The following COL12A1 variants were observed in gnomAD, a reference collection of about 807,000 sequenced individuals.
The protein encoded by COL12A1 is collagen type XII alpha 1 chain, also known as collagen alpha-1(XII) chain.
COL12A1 carries 114 observed loss-of-function variants against 349.7 expected under a neutral mutation model. The observed-to-expected ratio is 0.33, with a 90% CI of 0.28 to 0.38. The LOEUF (loss-of-function observed/expected upper bound fraction) is 0.38, where lower values mean the gene tolerates loss of function less well. Among genes scored for constraint, COL12A1 ranks in the 10% least tolerant of loss-of-function variants. The pLI is 1.00. For synonymous variants in COL12A1, 1,369 were observed against 1,329.0 expected (o/e 1.03, Z -0.66); for missense variants, 3,284 against 3,756.9 (o/e 0.87, Z 3.29).
intron 21 of COL12A1, among the ~76,000 whole-genome samples, chr6:75,149,566 T>C (rs1767376337): frequency 1.3e-5 from 2 of 152,022 alleles, no homozygotes; most frequent in South Asian, 4.1e-4. Flanking sequence ...CTGATGAAAA[T>C]GGAAATATTA....
chr6:75,116,761 C>T (rs987959772), intron 47 of COL12A1, among the ~76,000 whole-genome samples: 2 of 152,230 alleles, frequency 1.3e-5, no homozygotes, highest in Admixed American at 6.5e-5. Flanking sequence ...GGACTAGCCA[C>T]AGACCCCTGA....
At chr6:75,130,776 C>G in intron 36 of COL12A1, 76 bp downstream of exon 36, 2 of 1,577,484 alleles carry the variant, frequency 1.3e-6, no homozygotes, top group Non-Finnish European at 1.7e-6. Flanking sequence ...ACCCCCCTCC[C>G]ACCACTCATT....
In COL12A1 at chr6:75,156,370, G is replaced by GT; in HGVS notation, c.3136dup (p.Thr1046AsnfsTer17). ...TCGCTTTAACACTGTCGAAGTGACT[G>GT]TGGGGGGCACCTTAGCAACCATTTG... On this transcript the variant is annotated frameshift_variant, in exon 15 of 66. Transcript: ENST00000322507. LOFTEE classifies it high-confidence loss of function. The GT allele has an allele frequency of 6.2e-7, 1 of 1,613,980 alleles. No homozygotes were observed. The highest frequency in any genetic ancestry group is 8.5e-7 in the Non-Finnish European group (1 of 1,179,908).
chr6:75,191,459 A>G (rs1769926699), intron 5 of COL12A1, among the ~76,000 whole-genome samples: 2 of 152,030 alleles, frequency 1.3e-5, no homozygotes, highest in Non-Finnish European at 2.9e-5. Context: ...ACACAATTTC[A>G]AAACACTCCC....
Position 75,156,450 on chromosome 6 carries a change from T to G in COL12A1, c.3057A>C (p.Ala1019=). The G allele has an allele frequency of 6.2e-7, 1 of 1,613,950 alleles. No homozygotes were observed. The highest frequency in any genetic ancestry group is 1.1e-5 in the South Asian group (1 of 91,076). Residue 1019 remains alanine (A), a synonymous_variant, in exon 15 of 66, where the codon GCA becomes GCC. Coordinates refer to ENST00000322507, the MANE Select transcript of COL12A1 (RefSeq NM_004370.6). ...CACGGTAGTTGACGACTTTCCCTGG[T>G]GCTGGTTTCCATGTAACTCTCATTG... ...ENTMRVTWKP[A]PGKVVNYRVV...
chr6:75,172,921 A>G (rs999094928), intron 13 of COL12A1, among the ~76,000 whole-genome samples: 1 of 152,220 alleles, frequency 6.6e-6, no homozygotes, highest in Non-Finnish European at 1.5e-5. Context: ...CAGGTTCCCT[A>G]GGGCCGACTG....
chr6:75,131,218 G>A lies in COL12A1; in HGVS notation c.5938-237C>T, dbSNP rs185103395. The stretch of plus-strand genomic sequence containing the variant: ...ACCCTTAGTAGCTTCAGTTATCTCC[G>A]TTTATGTTTGTTATAAAGATTCTCA... On this transcript the variant is annotated intron_variant, in intron 35 of 65. Coordinates refer to ENST00000322507, the MANE Select transcript of COL12A1 (RefSeq NM_004370.6). Among the ~76,000 whole-genome samples, 153 of 152,106 alleles carry A rather than the reference G, an allele frequency of 1.0e-3. 1 individual carries two copies. Among genetic ancestry groups the A allele is most frequent in the African/African-American group, 3.3e-3 (135 of 41,510 alleles).
At chr6:75,132,604 T>C (rs867580178) in intron 34 of COL12A1, among the ~76,000 whole-genome samples, 1 of 152,210 alleles carries the variant, frequency 6.6e-6, no homozygotes, top group Non-Finnish European at 1.5e-5. Flanking sequence ...CAGTTCTTAA[T>C]TAACTGCCCC....
At position 75,085,395 on chromosome 6, in the gene COL12A1, T is replaced by C. The variant is rs1767439605; in HGVS notation, c.*1152A>G. The C allele has an allele frequency of 2.4e-6, 1 of 417,202 alleles. No individual in the cohort carries two copies. The highest frequency in any genetic ancestry group is 2.7e-5 in the African/African-American group (1 of 37,408). The allele number at this position is 417,202 out of a possible 1,614,324, so 25.8% of individuals were successfully genotyped here. A position where few individuals can be genotyped will look rare whatever the true frequency, so the allele number is the denominator to read the frequency against. ...CCGATTCAACATTACAATTATGGCA[T>C]GATTTGGAAGGCACACACACACACA... On this transcript the variant is annotated 3_prime_UTR_variant, in exon 66 of 66. Transcript: ENST00000322507.
chr6:75,139,593 A>G (rs1311885715), intron 27 of COL12A1, among the ~76,000 whole-genome samples: 4 of 152,272 alleles, frequency 2.6e-5, no homozygotes, highest in East Asian at 1.9e-4. Context: ...ACAATTGATT[A>G]GAACATACAT....
At chr6:75,108,819 G>C (rs939962674) in intron 52 of COL12A1, among the ~76,000 whole-genome samples, 199 bp downstream of exon 52, 1 of 152,166 alleles carries the variant, frequency 6.6e-6, no homozygotes, top group African/African-American at 2.4e-5. Context: ...TTTCTAGCAA[G>C]TAGTTAAAGC....
chr6:75,165,218 G>C (rs1027162438), intron 14 of COL12A1, among the ~76,000 whole-genome samples: 1 of 151,746 alleles, frequency 6.6e-6, no homozygotes, highest in Non-Finnish European at 1.5e-5. Flanking sequence ...TCGCTTCATA[G>C]CTTCTGGTCT....
chr6:75,138,791 G>A, intron 28 of COL12A1, 31 bp downstream of exon 28: 1 of 1,612,168 alleles, frequency 6.2e-7, no homozygotes, highest in Non-Finnish European at 8.5e-7. Context: ...GGACATGAAA[G>A]ACAGAGAGAA....
rs1769802774 is a variant in COL12A1 at position 75,189,332 on chromosome 6, C to A, written c.708G>T (p.Gly236=). 1 of 1,612,912 alleles carries A rather than the reference C, an allele frequency of 6.2e-7. No homozygotes were observed. The highest frequency in any genetic ancestry group is 1.3e-5 in the African/African-American group (1 of 74,876). Residue 236 remains glycine (G), a synonymous_variant, in exon 7 of 66, where the codon GGG becomes GGT. Coordinates refer to ENST00000322507, the MANE Select transcript of COL12A1 (RefSeq NM_004370.6). ...CCACTTTAGGAAAGCCAACTCTTGCCCCAGCAGATTCCGTGAAAGTATTTT... is the reference window on the plus strand; with the variant it reads ...CCACTTTAGGAAAGCCAACTCTTGCACCAGCAGATTCCGTGAAAGTATTTT... The part of the protein sequence containing the change: ...LVKNTFTESA[G]ARVGFPKVAI...
In COL12A1 at chr6:75,181,151, T is replaced by C; in HGVS notation, c.1952A>G (p.Asn651Ser). 3 of 1,613,908 alleles carry C rather than the reference T, an allele frequency of 1.9e-6. No individual in the cohort carries two copies. Among genetic ancestry groups the C allele is most frequent in the Non-Finnish European group, 1.7e-6 (2 of 1,179,964 alleles). Residue 651 changes from asparagine to serine, a missense_variant, in exon 11 of 66, where the codon AAC becomes AGC. Asn to Ser is a conservative substitution (Grantham distance 46). Coordinates refer to ENST00000322507, the MANE Select transcript of COL12A1 (RefSeq NM_004370.6). The stretch of plus-strand genomic sequence containing the variant: ...AACATTTTCTCCAGCTGGAGACCAG[T>C]TGGTTTTGAAACCATAAGAAGTCAC... Reference protein sequence around the residue: ...SEVTSYGFKTNWSPAGENVFS... With the variant: ...SEVTSYGFKTSWSPAGENVFS...
At chr6:75,184,705 C>T (rs1769517869) in intron 8 of COL12A1, among the ~76,000 whole-genome samples, 1 of 152,142 alleles carries the variant, frequency 6.6e-6, no homozygotes. Context: ...ACTATGTTCA[C>T]AGTGCCACCA....
intron 64 of COL12A1, among the ~76,000 whole-genome samples, chr6:75,088,158 G>A (rs1767592687): frequency 6.6e-6 from 1 of 152,218 alleles, no homozygotes; most frequent in Non-Finnish European, 1.5e-5. Flanking sequence ...ATTGTTTCTG[G>A]ATCAATAGTT....
chr6:75,145,489 T>C, intron 24 of COL12A1, 34 bp from the exon 25 acceptor site: 1 of 1,596,448 alleles, frequency 6.3e-7, no homozygotes, highest in African/African-American at 1.3e-5. Flanking sequence ...AAATAAGATA[T>C]TCAAATCAAA....
At chr6:75,201,133 AT>A (rs1431077775) in intron 2 of COL12A1, among the ~76,000 whole-genome samples, 1 of 152,216 alleles carries the variant, frequency 6.6e-6, no homozygotes, top group Admixed American at 6.5e-5. Flanking sequence ...TTTTCTAAGA[AT>A]TCTCAACTCT....
Sources: allele counts gnomAD v4.1 joint callset (sites outside exome capture counted in the v4.1 genomes callset), GRCh38; gene constraint gnomAD v4.1.1; transcripts MANE v1.5; gene names NCBI Gene and HGNC (gene_info 2026-07-23, HGNC 2026-07-21).